APBA2: variants seen among roughly 807,000 people sequenced by gnomAD.
The protein encoded by APBA2 is amyloid beta precursor protein binding family A member 2, also known as amyloid-beta A4 precursor protein-binding family A member 2.
In APBA2, 30 loss-of-function variants were observed where a neutral mutation model predicts 75.0. The ratio of observed to expected loss-of-function variants is 0.40; its 90% CI spans 0.30 to 0.54. The LOEUF is 0.54. APBA2 is among the 20% of genes least tolerant of loss of function. The probability of loss-of-function intolerance (pLI) is 0.49; values close to 1 mark genes in which losing one functional copy is unlikely to be tolerated. For missense variants in APBA2, 801 were observed against 1,016.1 expected, an observed-to-expected ratio of 0.79 and a Z score of 2.88; for synonymous variants, 444 against 409.6, an observed-to-expected ratio of 1.08 and a Z score of -1.01.
chr15:29,110,692 G>C (rs2044679915), intron 13 of APBA2, among the ~76,000 whole-genome samples: 1 of 152,232 alleles, frequency 6.6e-6, no homozygotes, highest in Non-Finnish European at 1.5e-5. Context: ...CAGCCATGTG[G>C]AGCACTGGTG....
chr15:28,988,080 T>G (rs2038023627), intron 2 of APBA2, among the ~76,000 whole-genome samples: 1 of 152,048 alleles, frequency 6.6e-6, no homozygotes, highest in Non-Finnish European at 1.5e-5. Context: ...TAAAGCATCA[T>G]AACACCATTG....
At chr15:29,049,519 A>C (rs1166469083) in intron 3 of APBA2, among the ~76,000 whole-genome samples, 1 of 152,120 alleles carries the variant, frequency 6.6e-6, no homozygotes, top group African/African-American at 2.4e-5. Flanking sequence ...GCCTCTAGGA[A>C]GGGTGGACAT....
rs1295945434 is a variant in APBA2, at chr15:28,918,513, C to T, written c.-204-3127C>T. Among the ~76,000 whole-genome samples, 2 of 152,136 alleles carry T rather than the reference C, an allele frequency of 1.3e-5. No individual in the cohort carries two copies. Among genetic ancestry groups the T allele is most frequent in the African/African-American group, 4.8e-5 (2 of 41,426 alleles). ...CCCACTGCAAGGAGGAATCCCGGTG[C>T]TCTTCTCCACCAGCCTTCCCTTTGG... On this transcript the variant is annotated intron_variant, in intron 1 of 14. Coordinates refer to ENST00000683413, the MANE Select transcript of APBA2 (RefSeq NM_001353788.2). The surrounding 1 kb of genome is among the most constrained non-coding windows in gnomAD (Gnocchi z 4.2).
chr15:29,025,640 C>T (rs993636461), intron 3 of APBA2, among the ~76,000 whole-genome samples: 2 of 151,930 alleles, frequency 1.3e-5, no homozygotes, highest in African/African-American at 2.4e-5. Context: ...ACCAGAGAAC[C>T]GCCTTATGTA....
At chr15:28,977,550 T>C (rs1056960997) in intron 2 of APBA2, 7 of 152,210 alleles carry the variant, frequency 4.6e-5, no homozygotes, top group Admixed American at 4.6e-4. Context: ...CCATTGGCTG[T>C]GATTCAGCCC....
intron 5 of APBA2, 87 bp downstream of exon 5, chr15:29,075,088 TC>T: frequency 3.0e-6 from 3 of 1,003,860 alleles, no homozygotes; most frequent in Non-Finnish European, 4.7e-6. Context: ...GCTCACTTTG[TC>T]CATGATGTTC....
chr15:29,054,481 G>T lies in APBA2; in HGVS notation c.597G>T (p.Glu199Asp), dbSNP rs1485098773. 1 of 1,614,038 alleles carries T rather than the reference G, an allele frequency of 6.2e-7. No homozygotes were observed. The highest frequency in any genetic ancestry group is 1.1e-5 in the South Asian group (1 of 91,064). ...AGGGCTACCAGGACTACTACCCCGA[G>T]GAGGCCAACGGGAACACCGGCGCCT... is the stretch of plus-strand genomic sequence containing the variant. ...SKEGYQDYYP[E>D]EANGNTGASP... The change falls in exon 4 of 15, where the codon GAG becomes GAT. Residue 199 changes from glutamate (E) to aspartate (D), a missense_variant. Glu to Asp is a conservative substitution (Grantham distance 45). This residue lies in a region of APBA2 where 434 missense variants were observed against 471.6 expected (regional missense o/e 0.92). Transcript: ENST00000683413. This position sits in a 1 kb window ranked among gnomAD's most constrained non-coding sequence, Gnocchi z 6.1.
intron 2 of APBA2, among the ~76,000 whole-genome samples, chr15:28,978,942 G>C (rs1383658372): frequency 6.6e-6 from 1 of 152,236 alleles, no homozygotes; most frequent in African/African-American, 2.4e-5. Flanking sequence ...ATGCCCGGCA[G>C]GTCAGGGGAC....
intron 6 of APBA2, among the ~76,000 whole-genome samples, chr15:29,078,004 A>G (rs1241117498): frequency 5.3e-5 from 8 of 152,328 alleles, no homozygotes; most frequent in Middle Eastern, 3.4e-3. Context: ...GTCTTACATA[A>G]AGAAGTCCAG....
At position 29,106,630 on chromosome 15, in the gene APBA2, C is replaced by G. The variant is rs373663412; in HGVS notation, c.1728C>G (p.Gly576=). 1 of 1,613,040 alleles carries G rather than the reference C, an allele frequency of 6.2e-7. No individual in the cohort carries two copies. Among genetic ancestry groups the G allele is most frequent in the African/African-American group, 1.3e-5 (1 of 74,918 alleles). Residue 576 remains glycine (G), a synonymous_variant, in exon 12 of 15, where the codon GGC becomes GGG. Transcript: ENST00000683413. ...AGCTGCAGCTGGAGAAGCACAAGGG[C>G]GAGATCCTGGGCGTGGTGGTGGTGG... The part of the protein sequence containing the change: ...CKELQLEKHK[G]EILGVVVVES...
At chr15:29,041,215 G>A (rs1449149962) in intron 3 of APBA2, among the ~76,000 whole-genome samples, 2 of 152,138 alleles carry the variant, frequency 1.3e-5, no homozygotes, top group East Asian at 3.9e-4. Context: ...GCTCATGCCT[G>A]TAGTCTCAGC....
intron 1 of APBA2, among the ~76,000 whole-genome samples, chr15:28,902,483 G>A (rs971280436): frequency 1.3e-5 from 2 of 152,154 alleles, no homozygotes; most frequent in East Asian, 1.9e-4. Flanking sequence ...CTGAGGAGAC[G>A]CGACAGCTGA....
rs79283425 is a variant in APBA2, at chr15:29,066,818, T to G, written c.952-8103T>G. The stretch of plus-strand genomic sequence containing the variant: ...CCTCTAAAACCAAGTTGAGCCAGTC[T>G]GAACCCATGTAGCCATTATCACACC... On this transcript the variant is annotated intron_variant, in intron 4 of 14. Transcript: ENST00000683413. Among the ~76,000 whole-genome samples the G allele has an allele frequency of 6.7e-3, 1,018 of 152,332 alleles. 13 individuals are homozygous for G. Among genetic ancestry groups the G allele is most frequent in the African/African-American group, 0.024 (996 of 41,564 alleles).
At chr15:28,907,622 G>A (rs1169812856) in intron 1 of APBA2, among the ~76,000 whole-genome samples, 2 of 152,194 alleles carry the variant, frequency 1.3e-5, no homozygotes, top group African/African-American at 2.4e-5. Flanking sequence ...TAAGTGATTT[G>A]TTTTTGCAGA....
intron 3 of APBA2, chr15:29,044,440 TCTC>T (rs2041203255): frequency 1.3e-5 from 2 of 152,308 alleles, no homozygotes; most frequent in South Asian, 4.1e-4. Flanking sequence ...TAATCATGCT[TCTC>T]CTGTACATTT....
intron 2 of APBA2, among the ~76,000 whole-genome samples, chr15:28,981,995 A>G (rs1464554009): frequency 1.3e-5 from 2 of 152,176 alleles, no homozygotes; most frequent in Non-Finnish European, 2.9e-5. Context: ...ACCAAGGACT[A>G]CTAGAGGGCA....
chr15:29,053,399 G>T (rs947294059), intron 3 of APBA2, among the ~76,000 whole-genome samples: 5 of 152,150 alleles, frequency 3.3e-5, no homozygotes, highest in African/African-American at 1.2e-4. Context: ...AGTCTTTGAG[G>T]GGTCATGGAT....
At chr15:29,023,717 A>G (rs2040073301) in intron 3 of APBA2, among the ~76,000 whole-genome samples, 1 of 117,516 alleles carries the variant, frequency 8.5e-6, no homozygotes, top group Admixed American at 7.8e-5. Context: ...CAGCCTCCCA[A>G]AGTGCTGGGA....
intron 3 of APBA2, among the ~76,000 whole-genome samples, chr15:29,013,120 G>T (rs1324911125): frequency 6.6e-6 from 1 of 152,050 alleles, no homozygotes; most frequent in Non-Finnish European, 1.5e-5. Context: ...ATAGCAGGCG[G>T]TGGAATTCTT....
Sources: allele counts gnomAD v4.1 joint callset (sites outside exome capture counted in the v4.1 genomes callset), GRCh38; gene constraint gnomAD v4.1.1; regional missense constraint gnomAD v4.1.1; non-coding constraint Gnocchi (gnomAD v3.1); transcripts MANE v1.5; gene names NCBI Gene and HGNC (gene_info 2026-07-23, HGNC 2026-07-21).